Variants in TAPT1 observed in about 807,000 individuals in gnomAD.
The protein encoded by TAPT1 is transmembrane anterior posterior transformation protein 1 homolog.
A neutral mutation model predicts 65.6 loss-of-function variants in TAPT1; 28 were observed. The ratio of observed to expected loss-of-function variants is 0.43; its 90% confidence interval spans 0.32 to 0.59. TAPT1 has a LOEUF of 0.59. TAPT1 is among the 20% of genes least tolerant of loss of function. The pLI, the probability that TAPT1 is intolerant of heterozygous loss-of-function variation, is 0.09. For synonymous variants in TAPT1, 278 were observed against 245.2 expected, an observed-to-expected ratio of 1.13 and a Z score of -1.25; for missense variants, 563 against 679.9, an observed-to-expected ratio of 0.83 and a Z score of 1.91.
chr4:16,183,563 A>G (rs1748838568), intron 7 of TAPT1, among the ~76,000 whole-genome samples: 2 of 152,214 alleles, frequency 1.3e-5, no homozygotes, highest in Non-Finnish European at 2.9e-5. Context: ...TTTCCCCCTC[A>G]TAATTTTGAA....
intron 5 of TAPT1, 50 bp downstream of exon 5, chr4:16,188,165 ATAAGG>A: frequency 6.8e-7 from 1 of 1,474,396 alleles, no homozygotes; most frequent in Non-Finnish European, 9.1e-7. Context: ...ACCAAATAAA[ATAAGG>A]TAGACTATGC....
At chr4:16,175,487 T>G (rs1339749127) in intron 9 of TAPT1, among the ~76,000 whole-genome samples, 2 of 152,130 alleles carry the variant, frequency 1.3e-5, no homozygotes, top group African/African-American at 4.8e-5. Context: ...TTATTAAAAG[T>G]ACTACCCAGT....
At chr4:16,195,426 T>C (rs1749647270) in intron 3 of TAPT1, among the ~76,000 whole-genome samples, 1 of 152,192 alleles carries the variant, frequency 6.6e-6, no homozygotes, top group South Asian at 2.1e-4. Flanking sequence ...AAGTGAAACA[T>C]ACTGTTGGGC....
intron 13 of TAPT1, among the ~76,000 whole-genome samples, chr4:16,164,244 C>G (rs977944177): frequency 6.6e-6 from 1 of 152,260 alleles, no homozygotes; most frequent in African/African-American, 2.4e-5. Context: ...ACACTACTGC[C>G]ATGATGGAGG....
intron 1 of TAPT1, among the ~76,000 whole-genome samples, chr4:16,215,074 G>A (rs751845017): frequency 3.3e-5 from 5 of 152,042 alleles, no homozygotes; most frequent in Non-Finnish European, 5.9e-5. Flanking sequence ...GGCAGATCAC[G>A]AGGTCAGGAG....
In TAPT1 at chr4:16,174,680, C is replaced by T. The variant is rs1168727929; in HGVS notation, c.1157G>A (p.Arg386Gln). Residue 386 changes from arginine (R) to glutamine (Q), a missense_variant, in exon 10 of 14, where the codon CGA becomes CAA. Arg to Gln is a conservative substitution (Grantham distance 43). Transcript: ENST00000405303. ...ASLAFDLVSS[R>Q]QKNAYTDYSD... The stretch of plus-strand genomic sequence containing the variant: ...TTGATAAATGCTCACATTTTTCTGT[C>T]GGCTGCTAACAAGGTCAAAAGCAAG... The T allele has an allele frequency of 5.0e-6, 8 of 1,591,804 alleles. No individual in the cohort carries two copies. Among genetic ancestry groups the T allele is most frequent in the Non-Finnish European group, 6.8e-6 (8 of 1,168,524 alleles).
intron 2 of TAPT1, among the ~76,000 whole-genome samples, chr4:16,208,377 T>G (rs569072184): frequency 6.6e-6 from 1 of 152,336 alleles, no homozygotes; most frequent in Admixed American, 6.5e-5. Context: ...TAACATTCAC[T>G]GTCCTAGCCT....
intron 13 of TAPT1, among the ~76,000 whole-genome samples, chr4:16,164,650 C>T (rs917498086): frequency 3.3e-5 from 5 of 152,106 alleles, no homozygotes; most frequent in East Asian, 3.9e-4. Context: ...AGGCTGGTCT[C>T]GAACTCCTGG....
chr4:16,179,415 T>C, intron 8 of TAPT1, 162 bp downstream of exon 8: 1 of 523,408 alleles, frequency 1.9e-6, no homozygotes, highest in Non-Finnish European at 3.4e-6. Context: ...TATTGTTGAC[T>C]GAAGGTCATT....
intron 3 of TAPT1, among the ~76,000 whole-genome samples, chr4:16,193,714 T>A (rs752073503): frequency 6.6e-6 from 1 of 152,144 alleles, no homozygotes; most frequent in Non-Finnish European, 1.5e-5. Flanking sequence ...GGTGTGACTG[T>A]CTCCACTTGG....
chr4:16,174,410 G>T, intron 10 of TAPT1, 138 bp from the exon 11 acceptor site: 1 of 784,270 alleles, frequency 1.3e-6, no homozygotes, highest in Non-Finnish European at 2.0e-6. Flanking sequence ...CTTATAAAAT[G>T]ATGTGGAAAT....
intron 12 of TAPT1, 117 bp downstream of exon 12, chr4:16,170,536 G>T: frequency 1.6e-6 from 1 of 640,348 alleles, no homozygotes; most frequent in Non-Finnish European, 2.7e-6. Context: ...TATAGCTGTT[G>T]AATGGAAACC....
At chr4:16,195,562 T>A (rs1297787490) in intron 3 of TAPT1, among the ~76,000 whole-genome samples, 3 of 152,240 alleles carry the variant, frequency 2.0e-5, no homozygotes, top group East Asian at 3.8e-4. Context: ...AGAATTCTTT[T>A]AAAAATTTCT....
At chr4:16,204,028 T>C (rs1750194164) in intron 2 of TAPT1, among the ~76,000 whole-genome samples, 1 of 152,206 alleles carries the variant, frequency 6.6e-6, no homozygotes, top group South Asian at 2.1e-4. Context: ...GCATGTTTTC[T>C]TGTCTTACAC....
At chr4:16,189,494 C>T (rs781533935) in intron 4 of TAPT1, among the ~76,000 whole-genome samples, 7 of 151,584 alleles carry the variant, frequency 4.6e-5, no homozygotes, top group Non-Finnish European at 8.9e-5. Flanking sequence ...CTACCATGGG[C>T]CTGATATTGT....
intron 12 of TAPT1, among the ~76,000 whole-genome samples, chr4:16,168,434 C>T (rs1001077062): frequency 1.3e-5 from 2 of 152,178 alleles, no homozygotes; most frequent in Admixed American, 6.5e-5. Flanking sequence ...CGTAGTCTCC[C>T]GTCCCCGGGC....
chr4:16,194,800 A>G (rs1404732288), intron 3 of TAPT1, among the ~76,000 whole-genome samples: 1 of 152,132 alleles, frequency 6.6e-6, no homozygotes, highest in Non-Finnish European at 1.5e-5. Flanking sequence ...CAGGAGGAAT[A>G]TTATTCATAT....
chr4:16,176,212 C>T lies in TAPT1; in HGVS notation c.1014G>A (p.Leu338=), dbSNP rs1205645198. ...FSWNPDHLWV[L]FPDVCMVIAS... ...CAATTACCATACAGACATCTGGAAACAACACCCAGAGATGATCTGTAAATA... is the reference window on the plus strand; with the variant it reads ...CAATTACCATACAGACATCTGGAAATAACACCCAGAGATGATCTGTAAATA... The change falls in exon 9 of 14, where the codon TTG becomes TTA. Residue 338 remains leucine, a synonymous_variant. Coordinates refer to ENST00000405303, the MANE Select transcript of TAPT1 (RefSeq NM_153365.3). 4.5e-6 allele frequency: 7 copies of T among 1,558,248 alleles called. No homozygotes were observed. The highest frequency in any genetic ancestry group is 6.1e-6 in the Non-Finnish European group (7 of 1,149,920).
chr4:16,167,370 ACAC>A (rs1180235192), intron 12 of TAPT1, among the ~76,000 whole-genome samples: 1 of 152,190 alleles, frequency 6.6e-6, no homozygotes, highest in Non-Finnish European at 1.5e-5. Flanking sequence ...TTCTTTTATT[ACAC>A]AACAAATACA....
Sources: allele counts gnomAD v4.1 joint callset (sites outside exome capture counted in the v4.1 genomes callset), GRCh38; gene constraint gnomAD v4.1.1; transcripts MANE v1.5; gene names NCBI Gene and HGNC (gene_info 2026-07-23, HGNC 2026-07-21).